DNMBP: variants seen among roughly 807,000 people sequenced by gnomAD.
DNMBP encodes dynamin-binding protein.
In DNMBP, 87 loss-of-function variants were observed where a neutral mutation model predicts 150.0. That is an observed-to-expected ratio of 0.58 (90% CI 0.49 to 0.69). The LOEUF (loss-of-function observed/expected upper bound fraction) is 0.69, where lower values mean the gene tolerates loss of function less well. Ranked by LOEUF, DNMBP falls within the 30% of genes least tolerant of loss-of-function variation. The probability of loss-of-function intolerance (pLI) is 0.00; values close to 1 mark genes in which losing one functional copy is unlikely to be tolerated. For missense variants in DNMBP, 1,774 were observed against 1,949.0 expected (o/e 0.91, Z 1.69); for synonymous variants, 711 against 750.4 (o/e 0.95, Z 0.86).
chr10:99,907,951 G>A (rs1265782898), intron 6 of DNMBP, 44 bp downstream of exon 6: 3 of 1,519,784 alleles, frequency 2.0e-6, no homozygotes, highest in Middle Eastern at 1.7e-4. Context: ...TGCCCATGAA[G>A]TTTTTTTAAA....
chr10:99,902,586 C>G (rs1324511878), intron 6 of DNMBP, among the ~76,000 whole-genome samples: 1 of 146,418 alleles, frequency 6.8e-6, no homozygotes. Context: ...CTGGGATTAC[C>G]GGTGTGAAAC....
Position 99,956,458 on chromosome 10 carries a change from T to G in DNMBP, c.1016A>C (p.His339Pro). 6.2e-7 allele frequency: 1 copy of G among 1,614,140 alleles called. No homozygotes were observed. The change falls in exon 4 of 17, where the codon CAT (histidine) becomes CCT (proline). Residue 339 changes from histidine (H) to proline (P), a missense_variant. Physicochemically the swap from His to Pro is moderately conservative, Grantham distance 77. This residue lies in a region of DNMBP where 344 missense variants were observed against 456.6 expected (regional missense o/e 0.75). Coordinates refer to ENST00000324109, the MANE Select transcript of DNMBP (RefSeq NM_015221.4). ...ENTLGVEEQR[H>P]ETSDHEAEEP... ...CTCGGCCTCATGGTCACTGGTTTCA[T>G]GTCTTTGTTCCTCTACTCCTAAGGT... is the stretch of plus-strand genomic sequence containing the variant.
intron 11 of DNMBP, among the ~76,000 whole-genome samples, chr10:99,891,040 T>C (rs2039548178): frequency 6.6e-6 from 1 of 151,732 alleles, no homozygotes. Flanking sequence ...TAAAGTTGAA[T>C]CCCTGCTTCA....
chr10:99,879,101 A>AAAAAAAAAAAAAAAAAAAAAAAAAAC lies in DNMBP; in HGVS notation c.4548+709_4548+710insGTTTTTTTTTTTTTTTTTTTTTTTTT, dbSNP rs1554857510. Among the ~76,000 whole-genome samples, 90 of 135,106 alleles carry AAAAAAAAAAAAAAAAAAAAAAAAAAC rather than the reference A, an allele frequency of 6.7e-4. 9 individuals carry two copies. Among genetic ancestry groups the AAAAAAAAAAAAAAAAAAAAAAAAAAC allele is most frequent in the African/African-American group, 1.7e-3 (54 of 31,686 alleles). The allele number at this position is 135,106 out of a possible 152,430, so 88.6% of individuals were successfully genotyped here. The stretch of plus-strand genomic sequence containing the variant: ...CTCTGTCTCAAAAAAAAAAAAAAAA[A>AAAAAAAAAAAAAAAAAAAAAAAAAAC]CCCAAAACGTTTGAGATACAAAGCC... On this transcript the variant is annotated intron_variant, in intron 16 of 16. Coordinates refer to ENST00000324109, the MANE Select transcript of DNMBP (RefSeq NM_015221.4).
At chr10:99,900,140 C>T in intron 6 of DNMBP, 74 bp from the exon 7 acceptor site, 1 of 1,527,934 alleles carries the variant, frequency 6.5e-7, no homozygotes, top group South Asian at 1.2e-5. Context: ...AGGTACACAG[C>T]CAAACTTTAG....
rs572896803 is a variant in DNMBP at position 99,973,221 on chromosome 10, G to A, written c.-10-1087C>T. On this transcript the variant is annotated intron_variant, in intron 1 of 16. Transcript: ENST00000324109. ...GTTGGGATTCCAGGCATGAGCCACC[G>A]CACCTGGTCTAATTTAAAAATAATA... 1.5e-4 allele frequency among the ~76,000 whole-genome samples: 23 copies of A among 152,166 alleles called. No homozygotes were observed. In the South Asian group the frequency reaches 3.1e-3, roughly 21 times the overall value.
chr10:99,999,263 G>T (rs192647143), intron 1 of DNMBP, among the ~76,000 whole-genome samples: 28 of 152,206 alleles, frequency 1.8e-4, no homozygotes, highest in Admixed American at 1.4e-3. Flanking sequence ...GGGCTTTGGA[G>T]GTAAACAGAC....
intron 4 of DNMBP, among the ~76,000 whole-genome samples, chr10:99,952,744 CT>C (rs1365271793): frequency 6.6e-6 from 1 of 152,156 alleles, no homozygotes; most frequent in East Asian, 1.9e-4. Flanking sequence ...CAGAAGATTA[CT>C]TGATTTCCAA....
Position 99,896,142 on chromosome 10 carries a change from C to T in DNMBP, c.3051+125G>A, listed in dbSNP as rs189006552. 1.5e-4 allele frequency: 172 copies of T among 1,132,344 alleles called. No homozygotes were observed. In the East Asian group the frequency reaches 4.3e-3, roughly 28 times the overall value. The allele number at this position is 1,132,344 out of a possible 1,614,324, so 70.1% of individuals were successfully genotyped here. A position where few individuals can be genotyped will look rare whatever the true frequency, so the allele number is the denominator to read the frequency against. ...CAGCAGCTGGAGGGCCCTGTCTCCA[C>T]CAGCTCGTAAAACCGGAGGACGTCT... On this transcript the variant is annotated intron_variant, in intron 10 of 16. Coordinates refer to ENST00000324109, the MANE Select transcript of DNMBP (RefSeq NM_015221.4).
chr10:100,004,593 A>C (rs1394780159), intron 1 of DNMBP, among the ~76,000 whole-genome samples: 8 of 152,208 alleles, frequency 5.3e-5, no homozygotes, highest in Admixed American at 5.2e-4. Flanking sequence ...AAACTGGGTC[A>C]TTAAATGGAG....
chr10:99,964,093 T>C (rs1478034046), intron 3 of DNMBP, among the ~76,000 whole-genome samples: 2 of 151,904 alleles, frequency 1.3e-5, no homozygotes, highest in Non-Finnish European at 2.9e-5. Flanking sequence ...ATGCACTAAC[T>C]TGTTTCTCTC....
intron 4 of DNMBP, among the ~76,000 whole-genome samples, chr10:99,919,282 A>G (rs2039997271): frequency 6.6e-6 from 1 of 152,192 alleles, no homozygotes; most frequent in African/African-American, 2.4e-5. Context: ...CCTGCATTAT[A>G]TTTCCATTAA....
intron 4 of DNMBP, among the ~76,000 whole-genome samples, chr10:99,953,970 A>G (rs1017376150): frequency 1.3e-5 from 2 of 152,052 alleles, no homozygotes; most frequent in Admixed American, 1.3e-4. Flanking sequence ...CACCACTGCT[A>G]TGGATGCCAT....
intron 1 of DNMBP, among the ~76,000 whole-genome samples, chr10:99,997,052 A>G (rs1209760551): frequency 6.6e-6 from 1 of 152,254 alleles, no homozygotes; most frequent in Non-Finnish European, 1.5e-5. Flanking sequence ...CTGCTCAAAA[A>G]TACGGGACTC....
At chr10:99,945,332 C>T (rs573910065) in intron 4 of DNMBP, among the ~76,000 whole-genome samples, 2 of 152,070 alleles carry the variant, frequency 1.3e-5, no homozygotes, top group Non-Finnish European at 2.9e-5. Flanking sequence ...AATACTGGCA[C>T]GCGGAGTAAA....
At chr10:99,994,740 CAT>C (rs915931727) in intron 1 of DNMBP, among the ~76,000 whole-genome samples, 4 of 152,218 alleles carry the variant, frequency 2.6e-5, no homozygotes, top group African/African-American at 9.6e-5. Context: ...TGTTCTAAAA[CAT>C]ATCCTGTACT....
At chr10:99,898,365 T>TA (rs749561545) in intron 8 of DNMBP, 80 bp from the exon 9 acceptor site, 112 of 1,206,062 alleles carry the variant, frequency 9.3e-5, no homozygotes, top group Non-Finnish European at 1.1e-4. Flanking sequence ...GACCCCACCT[T>TA]AAAAAAAACT....
chr10:100,000,315 T>C (rs1011055756), intron 1 of DNMBP, among the ~76,000 whole-genome samples: 2 of 152,168 alleles, frequency 1.3e-5, no homozygotes, highest in African/African-American at 4.8e-5. Context: ...CATTTTCTGC[T>C]GATGGGGCAG....
At chr10:99,895,247 C>T (rs1005206040) in intron 10 of DNMBP, among the ~76,000 whole-genome samples, 197 bp from the exon 11 acceptor site, 1 of 151,916 alleles carries the variant, frequency 6.6e-6, no homozygotes, top group Admixed American at 6.6e-5. Context: ...CTGCGTCAGC[C>T]TCTCGCATAG....
Sources: gnomAD v4.1 joint callset for allele counts (sites outside exome capture counted in the v4.1 genomes callset) on GRCh38, gnomAD v4.1.1 for gene constraint, gnomAD v4.1.1 regional missense constraint, MANE v1.5 for transcripts, NCBI Gene and HGNC (gene_info 2026-07-23, HGNC 2026-07-21) for gene names.